Variants in ZNF420 observed in about 807,000 individuals in gnomAD.
ZNF420 encodes the protein zinc finger protein 420.
In ZNF420, 31 loss-of-function variants were observed where a neutral mutation model predicts 44.7. The ratio of observed to expected loss-of-function variants is 0.69; its 90% CI spans 0.52 to 0.94. ZNF420 has a LOEUF of 0.94. Among genes scored for constraint, ZNF420 ranks in the 40% least tolerant of loss-of-function variants. The pLI is 0.00. For missense variants in ZNF420, 681 were observed against 827.9 expected (o/e 0.82, Z 2.18); for synonymous variants, 245 against 267.4 (o/e 0.92, Z 0.82).
chr19:37,129,707 TAAAAAAA>T lies in ZNF420; in HGVS notation c.*656_*662del, dbSNP rs34862836. 1 of 145,722 alleles carries T rather than the reference TAAAAAAA, an allele frequency of 6.9e-6. No homozygotes were observed. The highest frequency in any genetic ancestry group is 2.1e-4 in the South Asian group (1 of 4,714). 9.0% of individuals were successfully genotyped at this position (145,722 alleles called of 1,614,324 possible). A position where few individuals can be genotyped will look rare whatever the true frequency, so the allele number is the denominator to read the frequency against. On this transcript the variant is annotated 3_prime_UTR_variant, in exon 5 of 5. Transcript: ENST00000337995. ...TGCTATAAGAGGAAATTCATACTGT[TAAAAAAA>T]AAAAAACCCAGTGGATATAATCAGT...
chr19:37,088,990 G>A, intron 2 of ZNF420, 49 bp from the exon 3 acceptor site: 1 of 815,558 alleles, frequency 1.2e-6, no homozygotes, highest in Non-Finnish European at 2.1e-6. Flanking sequence ...TGAATCATTT[G>A]TTACTTTGCA....
chr19:37,035,031 C>T (rs1352801935), intron 1 of ZNF420, among the ~76,000 whole-genome samples: 1 of 152,192 alleles, frequency 6.6e-6, no homozygotes, highest in Non-Finnish European at 1.5e-5. Context: ...TGTAAAATAA[C>T]TTAATGGGAG....
Position 37,058,707 on chromosome 19 carries a change from C to T in ZNF420, c.-124-21638C>T, listed in dbSNP as rs1403427601. The stretch of plus-strand genomic sequence containing the variant: ...GTCATCTGTGTCCCCCCGCATCCAC[C>T]GGGCACATGCCCAGACACCATTGTT... On this transcript the variant is annotated intron_variant, in intron 1 of 4. Coordinates refer to the ZNF420 transcript ENST00000587029. Among the ~76,000 whole-genome samples the T allele has an allele frequency of 2.0e-5, 3 of 152,286 alleles. No homozygotes were observed. In the East Asian group the frequency reaches 5.8e-4, roughly 29 times the overall value.
intron 4 of ZNF420, chr19:37,091,934 A>AAAG (rs1568450654): frequency 1.3e-5 from 2 of 151,598 alleles, no homozygotes; most frequent in Admixed American, 1.3e-4. Flanking sequence ...CATCTCAAAA[A>AAAG]ACAAAAAAAA....
chr19:37,093,726 A>G (rs1323852977), intron 4 of ZNF420, among the ~76,000 whole-genome samples: 1 of 152,230 alleles, frequency 6.6e-6, no homozygotes, highest in Non-Finnish European at 1.5e-5. Context: ...ACTGCATATT[A>G]TATGATTGCA....
chr19:37,117,499 G>T (rs1036259504), intron 4 of ZNF420, among the ~76,000 whole-genome samples: 9 of 152,006 alleles, frequency 5.9e-5, no homozygotes, highest in Non-Finnish European at 1.3e-4. Flanking sequence ...ACCAAAAGTA[G>T]ATAAAACCAC....
chr19:37,121,156 C>T (rs1435884429), intron 4 of ZNF420, among the ~76,000 whole-genome samples: 3 of 146,042 alleles, frequency 2.1e-5, no homozygotes, highest in African/African-American at 7.8e-5. Flanking sequence ...AAAAAGAGCC[C>T]GCATTGCCAA....
chr19:37,125,446 G>T (rs181998253), intron 4 of ZNF420, among the ~76,000 whole-genome samples: 77 of 152,320 alleles, frequency 5.1e-4, no homozygotes, highest in Non-Finnish European at 8.8e-4. Flanking sequence ...GTTTCTATGT[G>T]TAAGGAAGTT....
intron 1 of ZNF420, among the ~76,000 whole-genome samples, chr19:37,029,307 G>A (rs1175824762): frequency 6.6e-6 from 1 of 152,188 alleles, no homozygotes; most frequent in Non-Finnish European, 1.5e-5. Context: ...CTAGAGTCAT[G>A]AGGAAGTTGA....
At chr19:37,052,489 G>A (rs958682325) in intron 1 of ZNF420, among the ~76,000 whole-genome samples, 2 of 152,162 alleles carry the variant, frequency 1.3e-5, no homozygotes, top group Non-Finnish European at 2.9e-5. Context: ...TGTTTTTGCA[G>A]TGGCTGGTAC....
intron 4 of ZNF420, among the ~76,000 whole-genome samples, chr19:37,094,973 A>G (rs559663383): frequency 3.9e-5 from 6 of 152,180 alleles, no homozygotes; most frequent in African/African-American, 1.4e-4. Flanking sequence ...TCTACTAAAT[A>G]TACAAAAATT....
chr19:37,120,334 A>G (rs1362580586), intron 4 of ZNF420, among the ~76,000 whole-genome samples: 2 of 152,084 alleles, frequency 1.3e-5, no homozygotes, highest in African/African-American at 4.8e-5. Flanking sequence ...CAAATCAATA[A>G]ATGTAATCCA....
chr19:37,053,278 G>GT (rs1237055974), intron 1 of ZNF420, among the ~76,000 whole-genome samples: 2 of 152,142 alleles, frequency 1.3e-5, no homozygotes, highest in Admixed American at 1.3e-4. Flanking sequence ...TTTTTTCAAC[G>GT]TTTTTAACCT....
chr19:37,017,229 G>A (rs1402337764), intron 1 of ZNF420, among the ~76,000 whole-genome samples: 5 of 152,212 alleles, frequency 3.3e-5, no homozygotes, highest in Non-Finnish European at 7.3e-5. Context: ...ATCTGGACTT[G>A]TGATTGGTGT....
intron 1 of ZNF420, among the ~76,000 whole-genome samples, chr19:37,021,936 CAAAAAAAAAAAA>C (rs60559933): frequency 3.3e-4 from 28 of 84,576 alleles, no homozygotes; most frequent in East Asian, 6.7e-4. Context: ...CAGTCTGTCT[CAAAAAAAAAAAA>C]AAAAAAAAAA....
chr19:37,018,212 T>A (rs1197878935), intron 1 of ZNF420, among the ~76,000 whole-genome samples: 4 of 152,248 alleles, frequency 2.6e-5, no homozygotes, highest in Admixed American at 6.5e-5. Flanking sequence ...ATTGTTAATA[T>A]GTCAATACTA....
intron 4 of ZNF420, among the ~76,000 whole-genome samples, chr19:37,124,197 C>T (rs1053331515): frequency 2.0e-5 from 3 of 152,170 alleles, no homozygotes; most frequent in Non-Finnish European, 2.9e-5. Flanking sequence ...CAAAATATGG[C>T]TTTTCTCACT....
chr19:37,020,032 C>G (rs1297178295), intron 1 of ZNF420, among the ~76,000 whole-genome samples: 3 of 151,814 alleles, frequency 2.0e-5, no homozygotes, highest in East Asian at 2.0e-4. Flanking sequence ...CCTGGCTAAC[C>G]CGGTGAAACC....
intron 1 of ZNF420, among the ~76,000 whole-genome samples, chr19:37,011,896 G>A (rs1478034297): frequency 2.0e-5 from 3 of 152,140 alleles, no homozygotes; most frequent in African/African-American, 4.8e-5. Context: ...GAGCCCCAGG[G>A]CTTTGGAAGC....
Sources: gnomAD v4.1 joint callset for allele counts (sites outside exome capture counted in the v4.1 genomes callset) on GRCh38, gnomAD v4.1.1 for gene constraint, MANE v1.5 for transcripts, NCBI Gene and HGNC (gene_info 2026-07-23, HGNC 2026-07-21) for gene names.